The following DSCAM variants were observed in gnomAD, a reference collection of about 807,000 sequenced individuals.
DSCAM encodes cell adhesion molecule DSCAM.
DSCAM carries 47 observed loss-of-function variants against 217.7 expected under a neutral mutation model. The ratio of observed to expected loss-of-function variants is 0.22; its 90% CI spans 0.17 to 0.28. The LOEUF is 0.28. DSCAM is among the 10% of genes least tolerant of loss of function. The pLI is 1.00. For missense variants in DSCAM, 2,080 were observed against 2,618.3 expected (o/e 0.79, Z 4.49); for synonymous variants, 1,056 against 1,015.3 (o/e 1.04, Z -0.76).
chr21:40,393,566 G>A (rs1286280259), intron 3 of DSCAM, among the ~76,000 whole-genome samples: 4 of 151,956 alleles, frequency 2.6e-5, no homozygotes, highest in Admixed American at 6.6e-5. Context: ...GGCACAGTGT[G>A]AAAAATCTGA....
chr21:40,469,752 A>G (rs1402432616), intron 3 of DSCAM, among the ~76,000 whole-genome samples: 1 of 152,228 alleles, frequency 6.6e-6, no homozygotes, highest in Admixed American at 6.5e-5. Flanking sequence ...TTAGTTAAAA[A>G]ATAATGAGAG....
chr21:40,699,132 CT>C (rs1388508868), intron 2 of DSCAM, among the ~76,000 whole-genome samples: 2 of 126,378 alleles, frequency 1.6e-5, no homozygotes, highest in East Asian at 4.3e-4. Flanking sequence ...ATATTTCAAA[CT>C]TTTAAAATCA....
chr21:40,431,594 T>A (rs763450018), intron 3 of DSCAM, among the ~76,000 whole-genome samples: 1 of 151,612 alleles, frequency 6.6e-6, no homozygotes, highest in Non-Finnish European at 1.5e-5. Flanking sequence ...GTAAGCATAT[T>A]TTTTTATTCC....
intron 18 of DSCAM, among the ~76,000 whole-genome samples, chr21:40,142,138 C>T (rs1329585580): frequency 1.3e-5 from 2 of 152,212 alleles, no homozygotes; most frequent in Non-Finnish European, 2.9e-5. Flanking sequence ...ACTCTTCCCA[C>T]ACCCACTTAC....
intron 4 of DSCAM, among the ~76,000 whole-genome samples, chr21:40,364,677 A>AT (rs2074809602): frequency 1.8e-5 from 2 of 111,102 alleles, no homozygotes; most frequent in African/African-American, 3.3e-5. Flanking sequence ...TTAAAGTACA[A>AT]TTAAAAAAAA....
At chr21:40,667,963 T>C (rs1344071670) in intron 3 of DSCAM, among the ~76,000 whole-genome samples, 2 of 152,214 alleles carry the variant, frequency 1.3e-5, no homozygotes, top group African/African-American at 4.8e-5. Flanking sequence ...CTATCATAGA[T>C]CAAAACTTAT....
chr21:40,484,395 T>C (rs894954973), intron 3 of DSCAM, among the ~76,000 whole-genome samples: 12 of 152,350 alleles, frequency 7.9e-5, no homozygotes, highest in Admixed American at 7.2e-4. Context: ...AAACACTTCC[T>C]GTCCATAGCA....
At chr21:40,244,260 G>A (rs984154225) in intron 11 of DSCAM, among the ~76,000 whole-genome samples, 8 of 152,108 alleles carry the variant, frequency 5.3e-5, no homozygotes, top group African/African-American at 1.9e-4. Flanking sequence ...AGACCAGACT[G>A]GCCAACATGG....
chr21:40,574,857 G>A (rs1381606069), intron 3 of DSCAM, among the ~76,000 whole-genome samples: 2 of 152,084 alleles, frequency 1.3e-5, no homozygotes, highest in African/African-American at 2.4e-5. Context: ...ACAGGTGCCC[G>A]CCCCTGCACC....
chr21:40,261,871 C>A (rs1159754818), intron 11 of DSCAM, among the ~76,000 whole-genome samples: 1 of 151,968 alleles, frequency 6.6e-6, no homozygotes, highest in East Asian at 1.9e-4. Flanking sequence ...GAAGCCCTAA[C>A]CAATGTAATG....
At chr21:40,112,989 A>G (rs563491961) in intron 20 of DSCAM, among the ~76,000 whole-genome samples, 3 of 152,330 alleles carry the variant, frequency 2.0e-5, no homozygotes, top group South Asian at 4.1e-4. Flanking sequence ...CCAGAGGTAC[A>G]AGGAGGAGCT....
Position 40,144,742 on chromosome 21 carries a change from G to C in DSCAM, c.3019-11C>G, listed in dbSNP as rs759010704. On this transcript the variant is annotated splice_polypyrimidine_tract_variant and intron_variant, in intron 16 of 32. Coordinates refer to ENST00000400454, the MANE Select transcript of DSCAM (RefSeq NM_001389.5). This position sits in a 1 kb window ranked among gnomAD's most constrained non-coding sequence, Gnocchi z 4.8. ...ATGTTTCTTGGGAGCCTAAACAGGA[G>C]AGAAAAGAACACACTAAAGAAGTCT... 6 of 1,614,088 alleles carry C rather than the reference G, an allele frequency of 3.7e-6. No homozygotes were observed. The South Asian group carries it at 6.6e-5, about 18-fold the overall frequency.
rs1354862989 is a variant in DSCAM, at chr21:40,563,591, TTA to T, written c.508+129217_508+129218del. Among the ~76,000 whole-genome samples, 463 of 116,970 alleles carry T rather than the reference TTA, an allele frequency of 4.0e-3. 3 individuals carry two copies. Among genetic ancestry groups the T allele is most frequent in the Non-Finnish European group, 4.5e-3 (264 of 58,368 alleles). 76.7% of individuals were successfully genotyped at this position (116,970 alleles called of 152,430 possible). A position where few individuals can be genotyped will look rare whatever the true frequency, so the allele number is the denominator to read the frequency against. Reference sequence around the variant, plus strand: ...TATATATAGTTATATGTTTATATGTTTATATGTTATATATATGTTTACATGTT... The same window carrying T: ...TATATATAGTTATATGTTTATATGTTTATGTTATATATATGTTTACATGTT... On this transcript the variant is annotated intron_variant, in intron 3 of 32. Transcript: ENST00000400454.
chr21:40,598,183 T>C (rs974619150), intron 3 of DSCAM, among the ~76,000 whole-genome samples: 2 of 152,182 alleles, frequency 1.3e-5, no homozygotes, highest in African/African-American at 4.8e-5. Context: ...CAGAATGTCA[T>C]ATGGTTGGAT....
rs138100001 is a variant in DSCAM at position 40,804,789 on chromosome 21, T to C, written c.43+41830A>G. ...TCTTTAGAGACCTCTACTATATCCATTGCTAAATTCCCATCTATAAGTCAA... is the reference window on the plus strand; with the variant it reads ...TCTTTAGAGACCTCTACTATATCCACTGCTAAATTCCCATCTATAAGTCAA... On this transcript the variant is annotated intron_variant, in intron 1 of 32. Coordinates refer to ENST00000400454, the MANE Select transcript of DSCAM (RefSeq NM_001389.5). Among the ~76,000 whole-genome samples the C allele has an allele frequency of 1.7e-3, 253 of 152,256 alleles. 1 individual carries two copies. Among genetic ancestry groups the C allele is most frequent in the African/African-American group, 5.6e-3 (232 of 41,544 alleles).
At chr21:40,376,168 T>C (rs1440339673) in intron 3 of DSCAM, among the ~76,000 whole-genome samples, 2 of 152,134 alleles carry the variant, frequency 1.3e-5, no homozygotes, top group Non-Finnish European at 2.9e-5. Context: ...GCTAATAAGA[T>C]GTTAAATGGT....
chr21:40,372,933 T>C (rs898453895), intron 3 of DSCAM, among the ~76,000 whole-genome samples: 6 of 152,152 alleles, frequency 3.9e-5, no homozygotes, highest in Admixed American at 2.0e-4. Context: ...AAGATTAGCA[T>C]AGGGGCCAGT....
chr21:40,265,889 C>A (rs1295598779), intron 11 of DSCAM, among the ~76,000 whole-genome samples: 2 of 152,108 alleles, frequency 1.3e-5, no homozygotes, highest in African/African-American at 4.8e-5. Flanking sequence ...AATATAAAAC[C>A]TGAAACCATA....
intron 3 of DSCAM, among the ~76,000 whole-genome samples, chr21:40,600,647 T>C (rs1025118336): frequency 1.3e-4 from 20 of 152,224 alleles, no homozygotes; most frequent in African/African-American, 4.8e-4. Flanking sequence ...GTAGTTGTAT[T>C]GTTTTGCACT....
Sources: allele counts gnomAD v4.1 joint callset (sites outside exome capture counted in the v4.1 genomes callset), GRCh38; gene constraint gnomAD v4.1.1; non-coding constraint Gnocchi (gnomAD v3.1); transcripts MANE v1.5; gene names NCBI Gene and HGNC (gene_info 2026-07-23, HGNC 2026-07-21).